KALRN: variants seen among roughly 807,000 people sequenced by gnomAD.
KALRN encodes kalirin RhoGEF kinase.
In KALRN, 70 loss-of-function variants were observed where a neutral mutation model predicts 353.7. The ratio of observed to expected loss-of-function variants is 0.20; its 90% CI spans 0.16 to 0.24. KALRN has a LOEUF of 0.24. Ranked by LOEUF, KALRN falls within the 10% of genes least tolerant of loss-of-function variation. The pLI is 1.00. For missense variants in KALRN, 2,791 were observed against 3,756.7 expected, an observed-to-expected ratio of 0.74 and a Z score of 6.72; for synonymous variants, 1,391 against 1,434.8, an observed-to-expected ratio of 0.97 and a Z score of 0.69.
intron 13 of KALRN, 123 bp downstream of exon 13, chr3:124,398,994 C>T (rs1576589749): frequency 2.0e-6 from 2 of 991,078 alleles, no homozygotes. Context: ...ATTTTTAGAA[C>T]CCAAGAAATT....
intron 10 of KALRN, among the ~76,000 whole-genome samples, chr3:124,357,469 C>T (rs1272703109): frequency 6.6e-6 from 1 of 152,156 alleles, no homozygotes; most frequent in Non-Finnish European, 1.5e-5. Flanking sequence ...CTTTGTTTGG[C>T]TTTACCTTTT....
At chr3:124,222,651 G>C (rs1246240504) in intron 1 of KALRN, among the ~76,000 whole-genome samples, 1 of 152,182 alleles carries the variant, frequency 6.6e-6, no homozygotes, top group Non-Finnish European at 1.5e-5. Flanking sequence ...ACCCGGGCTG[G>C]AGTGAAGTGG....
Position 124,488,302 on chromosome 3 carries a change from C to T in KALRN, c.4383C>T (p.Val1461=), listed in dbSNP as rs2062773541. 5 of 1,610,370 alleles carry T rather than the reference C, an allele frequency of 3.1e-6. No homozygotes were observed. The highest frequency in any genetic ancestry group is 4.2e-6 in the Non-Finnish European group (5 of 1,176,648). The change falls in exon 29 of 60, where the codon GTC becomes GTT. Residue 1461 remains valine (V), a synonymous_variant. Coordinates refer to ENST00000682506, the MANE Select transcript of KALRN (RefSeq NM_001388419.1). ...AGAAAGCCAATGATGCCATGCATGT[C>T]AGCATGCTGGAAGGTAGCTGTCCTC... ...VPKKANDAMH[V]SMLEGFDENL...
intron 6 of KALRN, among the ~76,000 whole-genome samples, chr3:124,304,907 C>T (rs1337777179): frequency 2.6e-5 from 4 of 152,152 alleles, no homozygotes; most frequent in Admixed American, 6.5e-5. Flanking sequence ...GAATGTCCCC[C>T]GGAGATGGAG....
chr3:124,582,785 G>A (rs550291803), intron 34 of KALRN, among the ~76,000 whole-genome samples: 1 of 136,162 alleles, frequency 7.3e-6, no homozygotes, highest in African/African-American at 2.7e-5. Context: ...GTTGAGCTGG[G>A]GGGGATGGGG....
intron 10 of KALRN, among the ~76,000 whole-genome samples, chr3:124,376,068 C>T (rs2086546516): frequency 6.6e-6 from 1 of 152,110 alleles, no homozygotes; most frequent in East Asian, 1.9e-4. Context: ...GAAAAATAGT[C>T]TCCAGCAAGT....
At chr3:124,128,829 C>A (rs1230338411) in intron 1 of KALRN, among the ~76,000 whole-genome samples, 1 of 152,022 alleles carries the variant, frequency 6.6e-6, no homozygotes, top group Admixed American at 6.6e-5. Flanking sequence ...TTCAACTGGT[C>A]CTGAAGAGTT....
At chr3:124,092,408 C>CT (rs1287654822) in intron 1 of KALRN, among the ~76,000 whole-genome samples, 2 of 152,234 alleles carry the variant, frequency 1.3e-5, no homozygotes, top group Non-Finnish European at 2.9e-5. Flanking sequence ...TAGAAAAAGC[C>CT]TTTTTGGCAT....
chr3:124,047,634 A>G (rs1200624341), intron 1 of KALRN, among the ~76,000 whole-genome samples: 1 of 150,724 alleles, frequency 6.6e-6, no homozygotes, highest in Non-Finnish European at 1.5e-5. Context: ...CTGCAACTAC[A>G]GGCGCCCGCC....
chr3:124,479,650 C>A (rs954646272), intron 27 of KALRN, among the ~76,000 whole-genome samples: 3 of 151,910 alleles, frequency 2.0e-5, no homozygotes, highest in African/African-American at 7.3e-5. Context: ...ACCTAATATC[C>A]ATTACTGTAA....
intron 1 of KALRN, among the ~76,000 whole-genome samples, chr3:124,102,037 G>A (rs908317539): frequency 1.5e-4 from 23 of 152,070 alleles, no homozygotes; most frequent in Admixed American, 1.2e-3. Context: ...AAGCACATTG[G>A]GTGATTCTGC....
chr3:124,315,702 G>C (rs1458045952), intron 6 of KALRN, among the ~76,000 whole-genome samples: 1 of 151,678 alleles, frequency 6.6e-6, no homozygotes, highest in Non-Finnish European at 1.5e-5. Flanking sequence ...GCCACTACTT[G>C]TTCTCCGTCA....
chr3:124,109,793 GAT>G (rs1342741247), intron 1 of KALRN, among the ~76,000 whole-genome samples: 33 of 37,324 alleles, frequency 8.8e-4, no homozygotes, highest in Non-Finnish European at 1.5e-3. Flanking sequence ...ATCATACTTT[GAT>G]ATATATATGA....
At chr3:124,154,935 A>C (rs2068751528) in intron 1 of KALRN, among the ~76,000 whole-genome samples, 1 of 152,256 alleles carries the variant, frequency 6.6e-6, no homozygotes. Context: ...GGAACAGAAC[A>C]GACGTCAGAA....
Position 124,519,184 on chromosome 3 carries a change from G to A in KALRN, c.4935+22771G>A, listed in dbSNP as rs74922127. On this transcript the variant is annotated intron_variant, in intron 33 of 59. Coordinates refer to ENST00000682506, the MANE Select transcript of KALRN (RefSeq NM_001388419.1). ...GCCCCTATTTGCTTCAGGTTATCCTGTTGAGGGTGGGTGGGAAGAGTGAGA... is the reference window on the plus strand; with the variant it reads ...GCCCCTATTTGCTTCAGGTTATCCTATTGAGGGTGGGTGGGAAGAGTGAGA... 2.5e-3 allele frequency: 2,449 copies of A among 984,454 alleles called. 41 individuals carry two copies. The African/African-American group carries it at 0.037, about 15-fold the overall frequency. 61.0% of individuals were successfully genotyped at this position (984,454 alleles called of 1,614,324 possible).
At chr3:124,660,406 G>A (rs1349063268) in intron 43 of KALRN, among the ~76,000 whole-genome samples, 1 of 151,984 alleles carries the variant, frequency 6.6e-6, no homozygotes, top group African/African-American at 2.4e-5. Context: ...TTGAGGCTGG[G>A]TGCAGTCACT....
intron 1 of KALRN, among the ~76,000 whole-genome samples, chr3:124,089,207 T>A (rs2060976151): frequency 6.6e-6 from 1 of 152,214 alleles, no homozygotes; most frequent in Non-Finnish European, 1.5e-5. Flanking sequence ...CCTAGTCCTA[T>A]GGTATGGTGC....
intron 25 of KALRN, among the ~76,000 whole-genome samples, chr3:124,472,324 A>C (rs1031201425): frequency 6.6e-6 from 1 of 152,184 alleles, no homozygotes; most frequent in Non-Finnish European, 1.5e-5. Flanking sequence ...CTGACACAAT[A>C]AAACAATTTT....
intron 45 of KALRN, among the ~76,000 whole-genome samples, chr3:124,663,939 T>A (rs571241474): frequency 6.6e-6 from 1 of 152,336 alleles, no homozygotes; most frequent in East Asian, 1.9e-4. Context: ...CATGTGTCCC[T>A]GTCTGGTTTT....
Sources: gnomAD v4.1 joint callset for allele counts (sites outside exome capture counted in the v4.1 genomes callset) on GRCh38, gnomAD v4.1.1 for gene constraint, MANE v1.5 for transcripts, NCBI Gene and HGNC (gene_info 2026-07-23, HGNC 2026-07-21) for gene names.